Variants in TMF1 observed in about 807,000 individuals in gnomAD.
The protein encoded by TMF1 is TATA element modulatory factor.
Under a neutral mutation model 126.5 loss-of-function variants are expected in TMF1, and 71 were observed. The observed-to-expected ratio is 0.56, with a 90% CI of 0.46 to 0.68. The LOEUF (loss-of-function observed/expected upper bound fraction) is 0.68. Among genes scored for constraint, TMF1 ranks in the 30% least tolerant of loss-of-function variants. TMF1 has a pLI of 0.00. For synonymous variants in TMF1, 461 were observed against 430.5 expected (o/e 1.07, Z -0.88); for missense variants, 1,259 against 1,253.2 (o/e 1.00, Z -0.07).
At position 69,027,928 on chromosome 3, in the gene TMF1, A is replaced by G; in HGVS notation, c.2729T>C (p.Ile910Thr). ...TTCTTTTATTGTTTCTTGAGTAAAA[A>G]TGGCTTTCTTCCTTTCTTGTTCAAC... Reference protein sequence around the residue: ...MKVEQERKKAIFTQETIKEKE... With the variant: ...MKVEQERKKATFTQETIKEKE... Residue 910 changes from isoleucine (I) to threonine (T), a missense_variant, in exon 13 of 17, where the codon ATT becomes ACT. By Grantham distance (89) the Ile-to-Thr change is moderately conservative (BLOSUM62 -1). Coordinates refer to ENST00000398559, the MANE Select transcript of TMF1 (RefSeq NM_007114.3). 1 of 1,587,356 alleles carries G rather than the reference A, an allele frequency of 6.3e-7. No homozygotes were observed. Among genetic ancestry groups the G allele is most frequent in the Non-Finnish European group, 8.6e-7 (1 of 1,157,610 alleles).
chr3:69,049,735 A>G (rs1252785464), intron 1 of TMF1, among the ~76,000 whole-genome samples: 1 of 152,232 alleles, frequency 6.6e-6, no homozygotes, highest in East Asian at 1.9e-4. Context: ...TCAGTCATAC[A>G]AATAGCTACT....
At chr3:69,050,020 GA>G (rs2091917423) in intron 1 of TMF1, among the ~76,000 whole-genome samples, 1 of 152,030 alleles carries the variant, frequency 6.6e-6, no homozygotes, top group African/African-American at 2.4e-5. Context: ...AGCACTTTGG[GA>G]GGCCGAGGCG....
intron 4 of TMF1, 30 bp from the exon 5 acceptor site, chr3:69,042,942 A>G (rs1277324252): frequency 1.4e-6 from 2 of 1,469,518 alleles, no homozygotes; most frequent in Non-Finnish European, 1.9e-6. Context: ...TGAATACCGT[A>G]AAGAATGACT....
At chr3:69,030,513 G>A (rs1208111578) in intron 10 of TMF1, 1 of 152,244 alleles carries the variant, frequency 6.6e-6, no homozygotes, top group African/African-American at 2.4e-5. Context: ...TTAAATCTAT[G>A]TGAAGAGGAT....
rs988206748 is a variant in TMF1 at position 69,039,596 on chromosome 3, G to C, written c.1782C>G (p.Asn594Lys). Residue 594 changes from asparagine to lysine, a missense_variant, in exon 6 of 17, where the codon AAC becomes AAG. By Grantham distance (94) the Asn-to-Lys change is moderately conservative. Coordinates refer to ENST00000398559, the MANE Select transcript of TMF1 (RefSeq NM_007114.3). ...KENENMVAKL[N>K]KKVKELEEEL... ...CCTCTTCTAGCTCTTTAACTTTTTTGTTCAGCTTTGCAACCATATTTTCAT... is the reference window on the plus strand; with the variant it reads ...CCTCTTCTAGCTCTTTAACTTTTTTCTTCAGCTTTGCAACCATATTTTCAT... 1 of 1,612,800 alleles carries C rather than the reference G, an allele frequency of 6.2e-7. No homozygotes were observed. The highest frequency in any genetic ancestry group is 8.5e-7 in the Non-Finnish European group (1 of 1,179,656).
At chr3:69,037,617 G>A (rs1320345593) in intron 8 of TMF1, among the ~76,000 whole-genome samples, 1 of 152,238 alleles carries the variant, frequency 6.6e-6, no homozygotes, top group Admixed American at 6.5e-5. Flanking sequence ...ACTCCAGCCT[G>A]GGCAACAAGA....
chr3:69,041,374 G>GT (rs2091864059), intron 5 of TMF1, among the ~76,000 whole-genome samples: 1 of 152,072 alleles, frequency 6.6e-6, no homozygotes, highest in South Asian at 2.1e-4. Flanking sequence ...ATCAAACATA[G>GT]TATCTGACAT....
At chr3:69,044,388 T>C (rs2091883923) in intron 3 of TMF1, 104 bp downstream of exon 3, 1 of 623,510 alleles carries the variant, frequency 1.6e-6, no homozygotes, top group Non-Finnish European at 2.7e-6. Flanking sequence ...TCAATAATGA[T>C]AAAATTACAA....
intron 10 of TMF1, 67 bp downstream of exon 10, chr3:69,033,481 C>A (rs930298348): frequency 2.0e-6 from 3 of 1,484,050 alleles, no homozygotes; most frequent in Non-Finnish European, 1.8e-6. Context: ...AATTTCATAC[C>A]ATTATTCTAA....
At position 69,029,808 on chromosome 3, in the gene TMF1, T is replaced by C; in HGVS notation, c.2594+7A>G. ...TACCAAAAATATCACTCAGAAACCA[T>C]GCTCACCTATTGTTCTCATCCTCCA... On this transcript the variant is annotated splice_region_variant and intron_variant, in intron 11 of 16. Transcript: ENST00000398559. 3 of 1,597,686 alleles carry C rather than the reference T, an allele frequency of 1.9e-6. No homozygotes were observed. The highest frequency in any genetic ancestry group is 2.6e-6 in the Non-Finnish European group (3 of 1,172,578).
chr3:69,041,350 A>G (rs923616254), intron 5 of TMF1, among the ~76,000 whole-genome samples: 1 of 152,212 alleles, frequency 6.6e-6, no homozygotes, highest in Non-Finnish European at 1.5e-5. Flanking sequence ...ACAGAGTGTC[A>G]TACTTATTAT....
At chr3:69,025,154 T>C (rs948182296) in intron 15 of TMF1, 3 of 157,010 alleles carry the variant, frequency 1.9e-5, no homozygotes, top group Non-Finnish European at 4.2e-5. Flanking sequence ...ACAACTTATC[T>C]AAGAGGTAAA....
chr3:69,039,133 A>G (rs2107464086), intron 6 of TMF1, 124 bp from the exon 7 acceptor site: 2 of 916,556 alleles, frequency 2.2e-6, no homozygotes, highest in Middle Eastern at 3.6e-4. Context: ...GTCTCGCTCT[A>G]TTGCCCAGGG....
chr3:69,035,717 T>C lies in TMF1; in HGVS notation c.2152-602A>G, dbSNP rs548061313. ...AGTAATCTATAGTTGCAAATGTCGA[T>C]ACAACATGAATATAACCATTAAAAA... On this transcript the variant is annotated intron_variant, in intron 8 of 16. Coordinates refer to ENST00000398559, the MANE Select transcript of TMF1 (RefSeq NM_007114.3). 7.4e-4 allele frequency among the ~76,000 whole-genome samples: 112 copies of C among 152,226 alleles called. 2 individuals are homozygous for C. The highest frequency in any genetic ancestry group is 2.5e-3 in the African/African-American group (102 of 41,536).
rs1336927070 is a variant in TMF1 at position 69,019,886 on chromosome 3, A to G, written c.*3291T>C. On this transcript the variant is annotated 3_prime_UTR_variant, in exon 17 of 17. Transcript: ENST00000398559. ...TGCTTATTTACATTACCTTTCATTTAGAATTAAAATATATCAATCTGTAGT... is the reference window on the plus strand; with the variant it reads ...TGCTTATTTACATTACCTTTCATTTGGAATTAAAATATATCAATCTGTAGT... 6.6e-6 allele frequency: 1 copy of G among 152,130 alleles called. No homozygotes were observed. Among genetic ancestry groups the G allele is most frequent in the Admixed American group, 6.5e-5 (1 of 15,272 alleles). 9.4% of individuals were successfully genotyped at this position (152,130 alleles called of 1,614,324 possible). A position where few individuals can be genotyped will look rare whatever the true frequency, so the allele number is the denominator to read the frequency against.
At chr3:69,038,385 C>T (rs1040800883) in intron 8 of TMF1, among the ~76,000 whole-genome samples, 179 bp downstream of exon 8, 1 of 152,114 alleles carries the variant, frequency 6.6e-6, no homozygotes, top group Admixed American at 6.5e-5. Context: ...ACTGGTATCA[C>T]GTAAGCATTA....
chr3:69,040,631 GT>G lies in TMF1; in HGVS notation c.1685-939del, dbSNP rs368281160. 1.5e-4 allele frequency among the ~76,000 whole-genome samples: 23 copies of G among 152,212 alleles called. No individual in the cohort carries two copies. The South Asian group carries it at 4.6e-3, about 30-fold the overall frequency. On this transcript the variant is annotated intron_variant, in intron 5 of 16. Transcript: ENST00000398559. Reference sequence around the variant, plus strand: ...GAGTTTTACAGCTCTTTAGCTTTAAGTTTTAAAAATACTGGCCGGGTGCAGT... The same window carrying G: ...GAGTTTTACAGCTCTTTAGCTTTAAGTTTAAAAATACTGGCCGGGTGCAGT...
chr3:69,033,976 G>T, intron 9 of TMF1: 1 of 218,138 alleles, frequency 4.6e-6, no homozygotes, highest in Non-Finnish European at 9.0e-6. Context: ...ACCACACCTG[G>T]CTAATTTTTG....
chr3:69,050,354 G>C (rs189738017), intron 1 of TMF1, among the ~76,000 whole-genome samples: 2 of 151,860 alleles, frequency 1.3e-5, no homozygotes, highest in Non-Finnish European at 2.9e-5. Flanking sequence ...GAAAACTTCA[G>C]TTTGGAGGCA....
Sources: allele counts gnomAD v4.1 joint callset (sites outside exome capture counted in the v4.1 genomes callset), GRCh38; gene constraint gnomAD v4.1.1; transcripts MANE v1.5; gene names NCBI Gene and HGNC (gene_info 2026-07-23, HGNC 2026-07-21).